The following NCOA1 variants were observed in gnomAD, a reference collection of about 807,000 sequenced individuals.
NCOA1 encodes Hin-2 protein.
In NCOA1, 35 loss-of-function variants were observed where a neutral mutation model predicts 150.9. The observed-to-expected ratio is 0.23, with a 90% CI of 0.18 to 0.31. NCOA1 has a LOEUF of 0.31. Among genes scored for constraint, NCOA1 ranks in the 10% least tolerant of loss-of-function variants. The pLI is 1.00. For synonymous variants in NCOA1, 590 were observed against 630.0 expected (o/e 0.94, Z 0.95); for missense variants, 1,491 against 1,749.3 (o/e 0.85, Z 2.63).
At position 24,728,502 on chromosome 2, in the gene NCOA1, A is replaced by T. The variant is rs535708794; in HGVS notation, c.2886+26A>T. On this transcript the variant is annotated intron_variant, in intron 16 of 22. Coordinates refer to ENST00000348332, the MANE Select transcript of NCOA1 (RefSeq NM_003743.5). ...GTATTTATTAAAGTCAACATTATTT[A>T]ACTGATGGAGCCCTAAGAAGCTAGA... 4 of 1,593,458 alleles carry T rather than the reference A, an allele frequency of 2.5e-6. No homozygotes were observed. In the African/African-American group the frequency reaches 5.4e-5, roughly 21 times the overall value.
intron 14 of NCOA1, among the ~76,000 whole-genome samples, 180 bp from the exon 15 acceptor site, chr2:24,726,409 C>G (rs757886780): frequency 1.3e-5 from 2 of 151,884 alleles, no homozygotes; most frequent in Non-Finnish European, 2.9e-5. Flanking sequence ...TTCACTTTCT[C>G]ATTTACTTTT....
chr2:24,685,193 T>C (rs1553447587), intron 8 of NCOA1, among the ~76,000 whole-genome samples: 1 of 152,076 alleles, frequency 6.6e-6, no homozygotes, highest in Non-Finnish European at 1.5e-5. Flanking sequence ...AGGAGAAATT[T>C]TGAAGAAAAA....
intron 1 of NCOA1, among the ~76,000 whole-genome samples, chr2:24,537,498 G>GTC (rs536590199): frequency 6.6e-4 from 98 of 149,524 alleles, no homozygotes; most frequent in African/African-American, 1.9e-3. Flanking sequence ...GTGTGTGTGT[G>GTC]TCTCTCTCTC....
At chr2:24,710,908 C>T (rs1673717484) in intron 13 of NCOA1, 23 bp from the exon 14 acceptor site, 1 of 1,609,456 alleles carries the variant, frequency 6.2e-7, no homozygotes, top group Non-Finnish European at 8.5e-7. Context: ...TATATTTCCT[C>T]TAACTTTGGT....
chr2:24,693,914 G>A (rs1672780970), intron 10 of NCOA1, among the ~76,000 whole-genome samples: 1 of 152,148 alleles, frequency 6.6e-6, no homozygotes, highest in Non-Finnish European at 1.5e-5. Flanking sequence ...TATGAAATTA[G>A]TTGGTCAGCA....
At chr2:24,617,979 C>T (rs543164328) in intron 3 of NCOA1, among the ~76,000 whole-genome samples, 1 of 152,052 alleles carries the variant, frequency 6.6e-6, no homozygotes, top group South Asian at 2.1e-4. Context: ...AAAAGATGCT[C>T]TTAAGCAATA....
chr2:24,650,089 G>T (rs754023592), intron 4 of NCOA1, among the ~76,000 whole-genome samples: 6 of 152,016 alleles, frequency 3.9e-5, no homozygotes, highest in Non-Finnish European at 8.8e-5. Context: ...ATTTGATTTT[G>T]CTTTTTATTC....
At chr2:24,692,176 G>T (rs1558291275) in intron 9 of NCOA1, among the ~76,000 whole-genome samples, 1 of 152,172 alleles carries the variant, frequency 6.6e-6, no homozygotes, top group Non-Finnish European at 1.5e-5. Context: ...TGTGACAGTG[G>T]ATGAGTTTTC....
intron 3 of NCOA1, among the ~76,000 whole-genome samples, chr2:24,603,333 A>G (rs572891729): frequency 6.6e-6 from 1 of 152,316 alleles, no homozygotes; most frequent in East Asian, 1.9e-4. Context: ...GTTGCTGAAG[A>G]TTGGAATGCT....
chr2:24,676,870 A>G (rs1327690751), intron 7 of NCOA1, among the ~76,000 whole-genome samples: 1 of 152,242 alleles, frequency 6.6e-6, no homozygotes, highest in South Asian at 2.1e-4. Flanking sequence ...AAGCTGAGGA[A>G]GGAATCTCAG....
At chr2:24,526,413 A>G (rs1664653562) in intron 1 of NCOA1, among the ~76,000 whole-genome samples, 1 of 152,060 alleles carries the variant, frequency 6.6e-6, no homozygotes, top group Admixed American at 6.5e-5. Context: ...AGAATGGAAA[A>G]GAAAATGGTG....
At chr2:24,577,652 T>A (rs1409134327) in intron 2 of NCOA1, among the ~76,000 whole-genome samples, 1 of 152,236 alleles carries the variant, frequency 6.6e-6, no homozygotes, top group Non-Finnish European at 1.5e-5. Context: ...AACTTCCTTT[T>A]TGAGTCAGCT....
rs1329357915 is a variant in NCOA1 at position 24,707,668 on chromosome 2, T to C, written c.2198T>C (p.Leu733Pro). The change falls in exon 13 of 23, where the codon CTA becomes CCA. Residue 733 changes from leucine to proline, a missense_variant. Leu to Pro is a moderately conservative substitution (Grantham distance 98). Transcript: ENST00000348332. Reference protein sequence around the residue: ...GQVQGNSSIKLELDASKKKES... With the variant: ...GQVQGNSSIKPELDASKKKES... Reference sequence around the variant, plus strand: ...GTACAAGGAAACTCCAGTATAAAACTAGAACTGGATGCTTCAAAGAAAAAA... The same window carrying C: ...GTACAAGGAAACTCCAGTATAAAACCAGAACTGGATGCTTCAAAGAAAAAA... The C allele has an allele frequency of 6.2e-7, 1 of 1,614,120 alleles. No homozygotes were observed. Among genetic ancestry groups the C allele is most frequent in the South Asian group, 1.1e-5 (1 of 91,078 alleles).
chr2:24,520,977 T>G (rs1008332091), intron 1 of NCOA1, among the ~76,000 whole-genome samples: 2 of 147,974 alleles, frequency 1.4e-5, no homozygotes, highest in African/African-American at 2.4e-5. Context: ...TGCTTTAGCT[T>G]TTTTTTTTTG....
At chr2:24,556,296 C>T (rs1253809316) in intron 1 of NCOA1, among the ~76,000 whole-genome samples, 4 of 152,166 alleles carry the variant, frequency 2.6e-5, no homozygotes, top group African/African-American at 9.7e-5. Context: ...TGGCTTCCAG[C>T]GCCATCCATG....
In NCOA1 at chr2:24,491,517, G is replaced by A. The variant is rs1662955343; in HGVS notation, c.-481G>A. 6.1e-4 allele frequency among the ~76,000 whole-genome samples: 1 copy of A among 1,636 alleles called. No homozygotes were observed. The highest frequency in any genetic ancestry group is 0.021 in the South Asian group (1 of 48). The allele number at this position is 1,636 out of a possible 152,430, so 1.1% of individuals were successfully genotyped here. On this transcript the variant is annotated 5_prime_UTR_variant, in exon 1 of 23. Transcript: ENST00000348332. ...GGAGAGCCGCGGCGCCGGGCCCGAG[G>A]AGCGGCGGAGGCCGGGGCGGCGCCG... is the stretch of plus-strand genomic sequence containing the variant.
chr2:24,619,679 C>T (rs376351515), intron 3 of NCOA1, among the ~76,000 whole-genome samples: 8 of 152,052 alleles, frequency 5.3e-5, no homozygotes, highest in East Asian at 1.9e-4. Flanking sequence ...ATTATTTGGT[C>T]GGGGCAGGGG....
chr2:24,758,106 C>T lies in NCOA1; in HGVS notation c.4015C>T (p.Gln1339Ter). 1 of 1,614,094 alleles carries T rather than the reference C, an allele frequency of 6.2e-7. No individual in the cohort carries two copies. The highest frequency in any genetic ancestry group is 8.5e-7 in the Non-Finnish European group (1 of 1,180,008). ...QNMNPMMAQM[Q>*]MSSLQMPGMN... ...CATGAACCCAATGATGGCCCAGATG[C>T]AGATGAGCTCTTTGCAGATGCCAGG... Residue 1339 changes from glutamine (Q) to a stop codon, truncating the protein, a stop_gained, in exon 21 of 23, where the codon CAG (glutamine) becomes TAG (stop). Transcript: ENST00000348332. LOFTEE classifies it high-confidence loss of function.
At position 24,741,847 on chromosome 2, in the gene NCOA1, C is replaced by G. The variant is rs751822528; in HGVS notation, c.3367C>G (p.Gln1123Glu). ...GGAACTGTACAGTCAACAGCACCGA[C>G]AGAGGCAGCTAATACAGCAGCAAAG... ...QRELYSQQHR[Q>E]RQLIQQQRAM... The change falls in exon 19 of 23, where the codon CAG becomes GAG. Residue 1123 changes from glutamine to glutamate, a missense_variant. Gln to Glu is a conservative substitution (Grantham distance 29). This residue lies in a region of NCOA1 where 485 missense variants were observed against 522.8 expected (regional missense o/e 0.93). Coordinates refer to ENST00000348332, the MANE Select transcript of NCOA1 (RefSeq NM_003743.5). The G allele has an allele frequency of 6.2e-7, 1 of 1,614,232 alleles. No individual in the cohort carries two copies. Among genetic ancestry groups the G allele is most frequent in the South Asian group, 1.1e-5 (1 of 91,086 alleles).
Sources: allele counts gnomAD v4.1 joint callset (sites outside exome capture counted in the v4.1 genomes callset), GRCh38; gene constraint gnomAD v4.1.1; regional missense constraint gnomAD v4.1.1; transcripts MANE v1.5; gene names NCBI Gene and HGNC (gene_info 2026-07-23, HGNC 2026-07-21).